FMN1: variants seen among roughly 807,000 people sequenced by gnomAD.
The protein encoded by FMN1 is formin 1.
Under a neutral mutation model 132.4 loss-of-function variants are expected in FMN1, and 110 were observed. The ratio of observed to expected loss-of-function variants is 0.83; its 90% CI spans 0.71 to 0.97. The LOEUF (loss-of-function observed/expected upper bound fraction) is 0.97. Among genes scored for constraint, FMN1 ranks in the 50% least tolerant of loss-of-function variants. FMN1 has a pLI of 0.00. For synonymous variants in FMN1, 722 were observed against 651.7 expected (o/e 1.11, Z -1.64); for missense variants, 1,792 against 1,705.3 (o/e 1.05, Z -0.90).
chr15:32,943,880 G>A (rs1446508554), intron 9 of FMN1, among the ~76,000 whole-genome samples: 1 of 152,140 alleles, frequency 6.6e-6, no homozygotes, highest in African/African-American at 2.4e-5. Flanking sequence ...GTTTCGCAAT[G>A]GAAAGAAATT....
chr15:32,832,270 GT>G (rs1229665315), intron 17 of FMN1, among the ~76,000 whole-genome samples: 1 of 152,148 alleles, frequency 6.6e-6, no homozygotes, highest in East Asian at 1.9e-4. Context: ...TAATGCTTTT[GT>G]TAATTCTGAA....
At chr15:33,126,081 T>G (rs1332171674) in intron 4 of FMN1, among the ~76,000 whole-genome samples, 2 of 152,082 alleles carry the variant, frequency 1.3e-5, no homozygotes, top group African/African-American at 4.8e-5. Flanking sequence ...GCTTTGCAGG[T>G]GATAAAGCAC....
At chr15:32,860,138 GAA>G (rs2059231699) in intron 16 of FMN1, among the ~76,000 whole-genome samples, 1 of 138,900 alleles carries the variant, frequency 7.2e-6, no homozygotes, top group Non-Finnish European at 1.6e-5. Flanking sequence ...GACAAAGAGA[GAA>G]AGAAAAAGAG....
chr15:33,012,759 C>T, intron 6 of FMN1: 1 of 726,996 alleles, frequency 1.4e-6, no homozygotes, highest in Non-Finnish European at 2.5e-6. Flanking sequence ...GGAACGACAT[C>T]TTTGGTTATG....
chr15:33,014,760 C>T (rs1433305044), intron 6 of FMN1, among the ~76,000 whole-genome samples: 1 of 152,134 alleles, frequency 6.6e-6, no homozygotes, highest in Non-Finnish European at 1.5e-5. Context: ...TTCACAATAA[C>T]AAAACATCCT....
chr15:33,096,902 G>A (rs1045004480), intron 4 of FMN1, among the ~76,000 whole-genome samples: 3 of 152,110 alleles, frequency 2.0e-5, no homozygotes, highest in Non-Finnish European at 4.4e-5. Context: ...TCGCCTCGCT[G>A]CCCCATTTTT....
At chr15:33,156,271 T>C (rs1334187824) in intron 3 of FMN1, among the ~76,000 whole-genome samples, 1 of 114,920 alleles carries the variant, frequency 8.7e-6, no homozygotes, top group Non-Finnish European at 1.7e-5. Flanking sequence ...CTCACTCAAG[T>C]AGTTTTTTTT....
chr15:33,082,469 G>A (rs113343607), intron 5 of FMN1, among the ~76,000 whole-genome samples: 65 of 152,122 alleles, frequency 4.3e-4, no homozygotes, highest in African/African-American at 1.5e-3. Flanking sequence ...TCTTTTTAGG[G>A]TCTTTTCTAC....
intron 4 of FMN1, among the ~76,000 whole-genome samples, chr15:33,146,046 G>A (rs1224385859): frequency 6.6e-6 from 1 of 151,122 alleles, no homozygotes; most frequent in African/African-American, 2.4e-5. Context: ...TGCAATCTCG[G>A]CTCACTGTAA....
chr15:32,934,921 C>A lies in FMN1; in HGVS notation c.3139-8660G>T, dbSNP rs536804308. Among the ~76,000 whole-genome samples the A allele has an allele frequency of 2.7e-4, 40 of 146,674 alleles. 1 individual carries two copies. Among genetic ancestry groups the A allele is most frequent in the African/African-American group, 9.9e-4 (38 of 38,392 alleles). On this transcript the variant is annotated intron_variant, in intron 9 of 20. Coordinates refer to ENST00000616417, the MANE Select transcript of FMN1 (RefSeq NM_001277313.2). The stretch of plus-strand genomic sequence containing the variant: ...TGTATCTGGCCAAAAGACAATTTTT[C>A]TTTTTCTTTTTTTTTTTTTGAGACA...
At chr15:33,122,104 T>C (rs189075829) in intron 4 of FMN1, among the ~76,000 whole-genome samples, 1 of 152,340 alleles carries the variant, frequency 6.6e-6, no homozygotes, top group East Asian at 1.9e-4. Context: ...GGAAAGGGCC[T>C]GGGAACTTTT....
chr15:32,921,143 ATGAC>A (rs1330833447), intron 10 of FMN1, among the ~76,000 whole-genome samples: 2 of 152,214 alleles, frequency 1.3e-5, no homozygotes, highest in Non-Finnish European at 2.9e-5. Context: ...TTAAATTAGG[ATGAC>A]CTGTATTAGG....
At chr15:33,157,025 T>C (rs537304386) in intron 3 of FMN1, among the ~76,000 whole-genome samples, 3 of 152,264 alleles carry the variant, frequency 2.0e-5, no homozygotes, top group East Asian at 3.9e-4. Context: ...CCCAGCACTT[T>C]GGGAGGCCGA....
intron 8 of FMN1, among the ~76,000 whole-genome samples, chr15:32,967,979 A>G (rs1366217691): frequency 6.6e-6 from 1 of 152,268 alleles, no homozygotes; most frequent in Non-Finnish European, 1.5e-5. Flanking sequence ...GAAATAAGGC[A>G]GAACAAATCA....
intron 4 of FMN1, among the ~76,000 whole-genome samples, chr15:33,123,087 T>G (rs2339190): frequency 1.3e-5 from 2 of 150,642 alleles, no homozygotes; most frequent in Non-Finnish European, 2.9e-5. Context: ...AAGCCCAAAT[T>G]GTAGAATCAT....
chr15:33,002,267 A>G (rs1218728082), intron 7 of FMN1, among the ~76,000 whole-genome samples: 1 of 152,228 alleles, frequency 6.6e-6, no homozygotes, highest in Non-Finnish European at 1.5e-5. Context: ...TGAATTCTCC[A>G]TAACTTGTAT....
Position 32,857,494 on chromosome 15 carries a change from C to A in FMN1, c.3836-387G>T, listed in dbSNP as rs945297401. Among the ~76,000 whole-genome samples the A allele has an allele frequency of 3.9e-5, 6 of 152,218 alleles. No homozygotes were observed. The South Asian group carries it at 1.2e-3, about 32-fold the overall frequency. On this transcript the variant is annotated intron_variant, in intron 16 of 20. Coordinates refer to ENST00000616417, the MANE Select transcript of FMN1 (RefSeq NM_001277313.2). ...GGCCTCAGCCCTCCTCAGATTCACA[C>A]TCCAAAAGTAGAGCTTGAAAAATAT...
chr15:32,910,719 T>C (rs918697200), intron 10 of FMN1, among the ~76,000 whole-genome samples, 184 bp from the exon 11 acceptor site: 1 of 152,250 alleles, frequency 6.6e-6, no homozygotes, highest in Non-Finnish European at 1.5e-5. Flanking sequence ...AAATGGTTCC[T>C]ATCATTGGCC....
At chr15:32,986,776 C>T (rs967098770) in intron 7 of FMN1, among the ~76,000 whole-genome samples, 3 of 152,048 alleles carry the variant, frequency 2.0e-5, no homozygotes, top group South Asian at 4.1e-4. Flanking sequence ...TATAGACAAA[C>T]CACATTCTTT....
Sources: gnomAD v4.1 joint callset for allele counts (sites outside exome capture counted in the v4.1 genomes callset) on GRCh38, gnomAD v4.1.1 for gene constraint, MANE v1.5 for transcripts, NCBI Gene and HGNC (gene_info 2026-07-23, HGNC 2026-07-21) for gene names.